Variants in NR2E3 observed in about 807,000 individuals in gnomAD.
The protein encoded by NR2E3 is photoreceptor-specific nuclear receptor.
In NR2E3, 38 loss-of-function variants were observed where a neutral mutation model predicts 37.6. The ratio of observed to expected loss-of-function variants is 1.01; its 90% confidence interval spans 0.78 to 1.33. The LOEUF (loss-of-function observed/expected upper bound fraction) is 1.33. Ranked by LOEUF, NR2E3 falls within the 40% of genes most tolerant of loss-of-function variation. The pLI is 0.00. For missense variants in NR2E3, 562 were observed against 558.7 expected, an observed-to-expected ratio of 1.01 and a Z score of -0.06; for synonymous variants, 235 against 225.1, an observed-to-expected ratio of 1.04 and a Z score of -0.39.
chr15:71,817,792 C>A lies in NR2E3; in HGVS notation c.*108C>A, dbSNP rs574163561. 1.9e-5 allele frequency: 18 copies of A among 939,246 alleles called. 1 individual carries two copies. In the South Asian group the frequency reaches 2.6e-4, roughly 13 times the overall value. 58.2% of individuals were successfully genotyped at this position (939,246 alleles called of 1,614,324 possible). A position where few individuals can be genotyped will look rare whatever the true frequency, so the allele number is the denominator to read the frequency against. ...ATTCCTCGTAGGTGTGTGTACCCAG[C>A]AGAAATGCCCACCGAAAGATATTGT... On this transcript the variant is annotated 3_prime_UTR_variant, in exon 8 of 8. Coordinates refer to ENST00000617575, the MANE Select transcript of NR2E3 (RefSeq NM_014249.4).
chr15:71,811,600 T>C lies in NR2E3; in HGVS notation c.236T>C (p.Leu79Pro). Residue 79 changes from leucine to proline, a missense_variant, in exon 2 of 8, where the codon CTC (leucine) becomes CCC (proline). Coordinates refer to ENST00000617575, the MANE Select transcript of NR2E3 (RefSeq NM_014249.4). The surrounding 1 kb of genome is among the most constrained non-coding windows in gnomAD (Gnocchi z 5.6). ...GFFKRSVRRR[L>P]IYRCQVGAGM... is the part of the protein sequence containing the mutation. Reference sequence around the variant, plus strand: ...TTCAAGAGGAGCGTACGGCGGAGGCTCATCTACAGGTGAGTGCGGTGGGCC... The same window carrying C: ...TTCAAGAGGAGCGTACGGCGGAGGCCCATCTACAGGTGAGTGCGGTGGGCC... The C allele has an allele frequency of 6.2e-7, 1 of 1,604,202 alleles. No homozygotes were observed. Among genetic ancestry groups the C allele is most frequent in the Non-Finnish European group, 8.5e-7 (1 of 1,176,010 alleles).
intron 7 of NR2E3, 131 bp downstream of exon 7, chr15:71,814,248 C>G (rs2054210529): frequency 6.9e-7 from 1 of 1,454,734 alleles, no homozygotes; most frequent in Non-Finnish European, 9.1e-7. Flanking sequence ...CAGCCAACAT[C>G]TATGGTGTCC....
In NR2E3 at chr15:71,812,054, C is replaced by CT; in HGVS notation, c.449_450insT (p.Ala151GlyfsTer31). 1.3e-6 allele frequency: 2 copies of CT among 1,553,274 alleles called. No homozygotes were observed. Among genetic ancestry groups the CT allele is most frequent in the Non-Finnish European group, 1.7e-6 (2 of 1,148,566 alleles). ...CGGCCGGAGTCCCTGGTGGCTCCCC[C>CT]GGCCCCGGCAGGGCGCAGCCCACGG... On this transcript the variant is annotated frameshift_variant, in exon 4 of 8. Transcript: ENST00000617575. LOFTEE classifies it high-confidence loss of function.
Position 71,811,510 on chromosome 15 carries a change from T to C in NR2E3, c.146T>C (p.Val49Ala), listed in dbSNP as rs745820285. 3 of 1,568,210 alleles carry C rather than the reference T, an allele frequency of 1.9e-6. No individual in the cohort carries two copies. The highest frequency in any genetic ancestry group is 1.2e-5 in the South Asian group (1 of 85,198). ...GTGAGCCCCTCGCTCCAGTGCCGCG[T>C]GTGCGGAGACAGCAGCAGCGGGAAG... ...TGVSPSLQCR[V>A]CGDSSSGKHY... is the part of the protein sequence containing the mutation. Residue 49 changes from valine to alanine, a missense_variant, in exon 2 of 8, where the codon GTG (valine) becomes GCG (alanine). Physicochemically the swap from Val to Ala is moderately conservative, Grantham distance 64. Coordinates refer to ENST00000617575, the MANE Select transcript of NR2E3 (RefSeq NM_014249.4). The surrounding 1 kb of genome is among the most constrained non-coding windows in gnomAD (Gnocchi z 5.6).
intron 7 of NR2E3, among the ~76,000 whole-genome samples, chr15:71,816,743 T>C (rs1157155829): frequency 6.6e-6 from 1 of 152,070 alleles, no homozygotes; most frequent in Non-Finnish European, 1.5e-5. Context: ...ATAATTATAA[T>C]ACTTATATAT....
At position 71,817,599 on chromosome 15, in the gene NR2E3, C is replaced by T. The variant is rs561915025; in HGVS notation, c.1148C>T (p.Ala383Val). 1.9e-6 allele frequency: 3 copies of T among 1,609,330 alleles called. No individual in the cohort carries two copies. Among genetic ancestry groups the T allele is most frequent in the South Asian group, 2.2e-5 (2 of 90,842 alleles). The change falls in exon 8 of 8, where the codon GCG becomes GTG. Residue 383 changes from alanine (A) to valine (V), a missense_variant. Transcript: ENST00000617575. Reference protein sequence around the residue: ...LLLPSLRFITAERIELLFFRK... With the variant: ...LLLPSLRFITVERIELLFFRK... Reference sequence around the variant, plus strand: ...CTCCCGTCTTTGAGGTTTATCACTGCGGAACGCATCGAGCTCCTCTTTTTC... The same window carrying T: ...CTCCCGTCTTTGAGGTTTATCACTGTGGAACGCATCGAGCTCCTCTTTTTC...
At position 71,813,298 on chromosome 15, in the gene NR2E3, T is replaced by C; in HGVS notation, c.748-91T>C. 1 of 1,526,168 alleles carries C rather than the reference T, an allele frequency of 6.6e-7. No individual in the cohort carries two copies. The allele number at this position is 1,526,168 out of a possible 1,614,324, so 94.5% of individuals were successfully genotyped here. A position where few individuals can be genotyped will look rare whatever the true frequency, so the allele number is the denominator to read the frequency against. ...CTCGGGTCCCAGGACAGCACTTCCA[T>C]TCCTTGGGTGCCTGAGATGGTGGCA... On this transcript the variant is annotated intron_variant, in intron 5 of 7. Transcript: ENST00000617575. This position sits in a 1 kb window ranked among gnomAD's most constrained non-coding sequence, Gnocchi z 4.7.
At position 71,811,619 on chromosome 15, in the gene NR2E3, G is replaced by A. The variant is rs377521269; in HGVS notation, c.245+10G>A. On this transcript the variant is annotated intron_variant, in intron 2 of 7. Transcript: ENST00000617575. The surrounding 1 kb of genome is among the most constrained non-coding windows in gnomAD (Gnocchi z 5.6). ...GGAGGCTCATCTACAGGTGAGTGCG[G>A]TGGGCCCTGCTGGGCGTCTGCCCCT... 24 of 1,602,424 alleles carry A rather than the reference G, an allele frequency of 1.5e-5. No individual in the cohort carries two copies. The African/African-American group carries it at 2.7e-4, about 18-fold the overall frequency.
Position 71,813,533 on chromosome 15 carries a change from A to G in NR2E3, c.892A>G (p.Met298Val). Reference sequence around the variant, plus strand: ...CCAGGGCCGGCTCACGCTGGCCAGCATGGAGACGCGTGTCCTGCAGGAAAC... The same window carrying G: ...CCAGGGCCGGCTCACGCTGGCCAGCGTGGAGACGCGTGTCCTGCAGGAAAC... ...GAQGRLTLAS[M>V]ETRVLQETIS... Residue 298 changes from methionine (M) to valine (V), a missense_variant, in exon 6 of 8, where the codon ATG (methionine) becomes GTG (valine). Transcript: ENST00000617575. This position sits in a 1 kb window ranked among gnomAD's most constrained non-coding sequence, Gnocchi z 4.7. The G allele has an allele frequency of 1.2e-6, 2 of 1,613,720 alleles. No homozygotes were observed. The highest frequency in any genetic ancestry group is 1.7e-6 in the Non-Finnish European group (2 of 1,179,796).
Position 71,811,940 on chromosome 15 carries a change from T to TTCCTGCCTCCCCAGCC in NR2E3, c.350-14_351dup. ...CGGGACTGGCGTGTCGTCCTGACCCTTCCTGCCTCCCCAGCCGTGCAGAAC... is the reference window on the plus strand; with the variant it reads ...CGGGACTGGCGTGTCGTCCTGACCCTTCCTGCCTCCCCAGCCTCCTGCCTCCCCAGCCGTGCAGAAC... On this transcript the variant is annotated splice_polypyrimidine_tract_variant and intron_variant, in intron 3 of 7. Transcript: ENST00000617575. The surrounding 1 kb of genome is among the most constrained non-coding windows in gnomAD (Gnocchi z 5.6). The TTCCTGCCTCCCCAGCC allele has an allele frequency of 6.5e-7, 1 of 1,549,124 alleles. No individual in the cohort carries two copies. The highest frequency in any genetic ancestry group is 8.7e-7 in the Non-Finnish European group (1 of 1,146,268).
rs1038862180 is a variant in NR2E3, at chr15:71,814,044, G to A, written c.1027G>A (p.Glu343Lys). ...TRGLKDPEHV[E>K]ALQDQSQVML... ...GGGCCTGAAGGATCCTGAGCACGTA[G>A]AGGCCTTGCAGGACCAGTCCCAAGT... The change falls in exon 7 of 8, where the codon GAG becomes AAG. Residue 343 changes from glutamate (E) to lysine (K), a missense_variant. By Grantham distance (56) the Glu-to-Lys change is moderately conservative. Coordinates refer to ENST00000617575, the MANE Select transcript of NR2E3 (RefSeq NM_014249.4). 6.2e-6 allele frequency: 10 copies of A among 1,612,720 alleles called. No individual in the cohort carries two copies. The highest frequency in any genetic ancestry group is 8.5e-6 in the Non-Finnish European group (10 of 1,179,724).
In NR2E3 at chr15:71,811,408, G is replaced by A. The variant is rs142259780; in HGVS notation, c.119-75G>A. 1.2e-3 allele frequency: 1,682 copies of A among 1,398,234 alleles called. 4 individuals are homozygous for A. The highest frequency in any genetic ancestry group is 1.5e-3 in the Non-Finnish European group (1,555 of 1,024,052). The allele number at this position is 1,398,234 out of a possible 1,614,324, so 86.6% of individuals were successfully genotyped here. On this transcript the variant is annotated intron_variant, in intron 1 of 7. Coordinates refer to ENST00000617575, the MANE Select transcript of NR2E3 (RefSeq NM_014249.4). The surrounding 1 kb of genome is among the most constrained non-coding windows in gnomAD (Gnocchi z 5.6). ...GGCCTGAGGACTGGGAAAGGGACCC[G>A]AGGGAAGGAGGGGAGCGTGCAGCCC...
intron 7 of NR2E3, among the ~76,000 whole-genome samples, chr15:71,817,288 C>T (rs2054234404): frequency 6.6e-6 from 1 of 151,944 alleles, no homozygotes; most frequent in Non-Finnish European, 1.5e-5. Context: ...TTAGTAGAGA[C>T]GGGGTTTCAC....
chr15:71,816,978 A>G (rs2054230997), intron 7 of NR2E3, among the ~76,000 whole-genome samples: 1 of 152,196 alleles, frequency 6.6e-6, no homozygotes, highest in Non-Finnish European at 1.5e-5. Context: ...TAATCTTTAC[A>G]TATAATAAAC....
chr15:71,814,563 G>C, intron 7 of NR2E3: 1 of 954,068 alleles, frequency 1.0e-6, no homozygotes, highest in South Asian at 4.8e-5. Context: ...CCACTTTGAA[G>C]GTATAACAGG....
Position 71,811,120 on chromosome 15 carries a change from C to T in NR2E3, c.118+259C>T, listed in dbSNP as rs1365064438. 6.6e-6 allele frequency among the ~76,000 whole-genome samples: 1 copy of T among 152,120 alleles called. No homozygotes were observed. The highest frequency in any genetic ancestry group is 1.5e-5 in the Non-Finnish European group (1 of 68,020). On this transcript the variant is annotated intron_variant, in intron 1 of 7. Coordinates refer to ENST00000617575, the MANE Select transcript of NR2E3 (RefSeq NM_014249.4). This position sits in a 1 kb window ranked among gnomAD's most constrained non-coding sequence, Gnocchi z 5.6. ...GGGGAAGGAAAGAACAGAGAAGCGC[C>T]CTTAGGGCTTAACAGCACAGAGGTC...
Position 71,810,832 on chromosome 15 carries a change from G to C in NR2E3, c.89G>C (p.Gly30Ala). ...GCTGCCTCCAGGAAGGAGTCTCCAG[G>C]CAGATGGGGCCTGGGGGAGGATCCC... ...AGAASRKESP[G>A]RWGLGEDPTG... is the part of the protein sequence containing the mutation. The change falls in exon 1 of 8, where the codon GGC becomes GCC. Residue 30 changes from glycine (G) to alanine (A), a missense_variant. Coordinates refer to ENST00000617575, the MANE Select transcript of NR2E3 (RefSeq NM_014249.4). The C allele has an allele frequency of 6.4e-7, 1 of 1,567,508 alleles. No homozygotes were observed. The highest frequency in any genetic ancestry group is 8.6e-7 in the Non-Finnish European group (1 of 1,156,388).
At position 71,812,523 on chromosome 15, in the gene NR2E3, C is replaced by T. The variant is rs775903356; in HGVS notation, c.747+12C>T. 39 of 1,596,088 alleles carry T rather than the reference C, an allele frequency of 2.4e-5. No individual in the cohort carries two copies. The highest frequency in any genetic ancestry group is 3.2e-5 in the Non-Finnish European group (38 of 1,169,596). On this transcript the variant is annotated intron_variant, in intron 5 of 7. Transcript: ENST00000617575. ...CCTTCCGGGATCAGGTACCTACCGG[C>T]CTGCCTGCTGGGGAGCTAGGCTGGG... is the stretch of plus-strand genomic sequence containing the variant.
intron 7 of NR2E3, 111 bp downstream of exon 7, chr15:71,814,228 C>T: frequency 6.8e-7 from 1 of 1,472,884 alleles, no homozygotes. Context: ...GGTCTCAGTT[C>T]AACAGCATAC....
Sources: allele counts gnomAD v4.1 joint callset (sites outside exome capture counted in the v4.1 genomes callset), GRCh38; gene constraint gnomAD v4.1.1; non-coding constraint Gnocchi (gnomAD v3.1); transcripts MANE v1.5; gene names NCBI Gene and HGNC (gene_info 2026-07-23, HGNC 2026-07-21).